Variants in NR3C1 observed in about 807,000 individuals in gnomAD.
The protein encoded by NR3C1 is nuclear receptor subfamily 3 group C member 1, also known as glucocorticoid receptor.
A neutral mutation model predicts 74.0 loss-of-function variants in NR3C1; 14 were observed. That is an observed-to-expected ratio of 0.19 (90% CI 0.12 to 0.30). The LOEUF is 0.30. Among genes scored for constraint, NR3C1 ranks in the 10% least tolerant of loss-of-function variants. NR3C1 has a pLI of 1.00. For synonymous variants in NR3C1, 308 were observed against 332.5 expected (o/e 0.93, Z 0.80); for missense variants, 695 against 909.8 (o/e 0.76, Z 3.04).
chr5:143,408,425 T>C (rs1841186861), upstream of NR3C1, among the ~76,000 whole-genome samples: 1 of 152,200 alleles, frequency 6.6e-6, no homozygotes, highest in Non-Finnish European at 1.5e-5. Context: ...TCTGTAGAAT[T>C]ACTATTTTCC....
At chr5:143,348,154 C>G (rs891457747) in intron 2 of NR3C1, among the ~76,000 whole-genome samples, 3 of 152,188 alleles carry the variant, frequency 2.0e-5, no homozygotes, top group Non-Finnish European at 4.4e-5. Flanking sequence ...TTTTGTCTCA[C>G]AGCATCAGCT....
chr5:143,326,961 C>T (rs978652620), intron 2 of NR3C1, among the ~76,000 whole-genome samples: 1 of 152,170 alleles, frequency 6.6e-6, no homozygotes, highest in African/African-American at 2.4e-5. Flanking sequence ...CACTGAAGTA[C>T]CACAATGTAT....
chr5:143,401,222 T>A, intron 1 of NR3C1: 1 of 245,808 alleles, frequency 4.1e-6, no homozygotes, highest in Admixed American at 5.0e-5. Flanking sequence ...AGTATTTAAT[T>A]TCAAAAAAAG....
intron 6 of NR3C1, among the ~76,000 whole-genome samples, chr5:143,295,796 ATAATC>A (rs1428230188): frequency 6.6e-6 from 1 of 152,224 alleles, no homozygotes; most frequent in Non-Finnish European, 1.5e-5. Context: ...AGACTAATGA[ATAATC>A]TAATGTAACA....
At chr5:143,408,530 G>C (rs906222188), upstream of NR3C1, among the ~76,000 whole-genome samples, 1 of 147,534 alleles carries the variant, frequency 6.8e-6, no homozygotes, top group East Asian at 2.1e-4. Flanking sequence ...TTTAGATTTT[G>C]GATTTTTTTT....
At chr5:143,371,553 A>G (rs574341087) in intron 2 of NR3C1, among the ~76,000 whole-genome samples, 2 of 152,332 alleles carry the variant, frequency 1.3e-5, no homozygotes, top group East Asian at 3.9e-4. Flanking sequence ...AGCCATGGTG[A>G]TCAGGAGGCA....
upstream of NR3C1, chr5:143,406,859 T>A (rs138103234): frequency 1.3e-5 from 2 of 152,326 alleles, no homozygotes; most frequent in Admixed American, 1.3e-4. Flanking sequence ...ATTGAAGAGA[T>A]GAACTCCAGT....
At chr5:143,370,036 T>C (rs916997435) in intron 2 of NR3C1, among the ~76,000 whole-genome samples, 2 of 152,208 alleles carry the variant, frequency 1.3e-5, no homozygotes, top group Non-Finnish European at 2.9e-5. Flanking sequence ...TAAGAATTCA[T>C]AGAAGAGCAG....
At chr5:143,404,897 C>A (rs1238792599), upstream of NR3C1, among the ~76,000 whole-genome samples, 4 of 152,148 alleles carry the variant, frequency 2.6e-5, no homozygotes, top group Admixed American at 6.5e-5. Context: ...CACCCTATCA[C>A]GTTCATAGGA....
intron 2 of NR3C1, among the ~76,000 whole-genome samples, chr5:143,354,718 T>A (rs1171075746): frequency 2.0e-5 from 3 of 150,800 alleles, no homozygotes; most frequent in Non-Finnish European, 4.4e-5. Flanking sequence ...AGGTCAGGAG[T>A]TCGAGACCAG....
At chr5:143,417,296 T>C (rs897840582) in intron 1 of NR3C1, among the ~76,000 whole-genome samples, 1 of 152,164 alleles carries the variant, frequency 6.6e-6, no homozygotes, top group Non-Finnish European at 1.5e-5. Context: ...TCCACAATGC[T>C]TATATAAAAC....
chr5:143,340,505 C>T (rs1394330674), intron 2 of NR3C1, among the ~76,000 whole-genome samples: 9 of 104,056 alleles, frequency 8.6e-5, no homozygotes, highest in African/African-American at 3.5e-4. Flanking sequence ...TTTTTTGAGA[C>T]AGAGTCTCGC....
intron 1 of NR3C1, among the ~76,000 whole-genome samples, chr5:143,411,681 A>AT (rs1841299194): frequency 1.3e-5 from 2 of 152,174 alleles, no homozygotes; most frequent in African/African-American, 2.4e-5. Context: ...AGAGTGTTAT[A>AT]TTTTTTCTTG....
chr5:143,333,210 A>G, intron 2 of NR3C1: 2 of 1,522,180 alleles, frequency 1.3e-6, no homozygotes, highest in Non-Finnish European at 1.8e-6. Context: ...GGGTGAACGC[A>G]TCAATCAGCT....
At chr5:143,350,578 A>C (rs1190907589) in intron 2 of NR3C1, among the ~76,000 whole-genome samples, 1 of 152,176 alleles carries the variant, frequency 6.6e-6, no homozygotes, top group African/African-American at 2.4e-5. Context: ...CCAAGAAAAG[A>C]TACCCAGTTA....
At chr5:143,321,946 C>T (rs1159130100) in intron 2 of NR3C1, among the ~76,000 whole-genome samples, 1 of 152,138 alleles carries the variant, frequency 6.6e-6, no homozygotes, top group East Asian at 1.9e-4. Context: ...CTCTCCATAT[C>T]GCCAGCATCT....
chr5:143,297,136 C>A (rs1368031047), intron 6 of NR3C1, among the ~76,000 whole-genome samples: 1 of 148,806 alleles, frequency 6.7e-6, no homozygotes, highest in Non-Finnish European at 1.5e-5. Context: ...TTTTAGGCAG[C>A]AGCATGAGAA....
chr5:143,352,133 CACAT>C (rs1297707102), intron 2 of NR3C1, among the ~76,000 whole-genome samples: 1 of 152,164 alleles, frequency 6.6e-6, no homozygotes, highest in African/African-American at 2.4e-5. Flanking sequence ...CACAAACACA[CACAT>C]GCATGCACAC....
In NR3C1 at chr5:143,300,456, T is replaced by C. The variant is rs1818278430; in HGVS notation, c.1747+29A>G. 2 of 1,613,928 alleles carry C rather than the reference T, an allele frequency of 1.2e-6. No homozygotes were observed. The highest frequency in any genetic ancestry group is 1.7e-5 in the Admixed American group (1 of 60,004). On this transcript the variant is annotated intron_variant, in intron 5 of 8. Coordinates refer to ENST00000394464, the MANE Select transcript of NR3C1 (RefSeq NM_000176.3). This position sits in a 1 kb window ranked among gnomAD's most constrained non-coding sequence, Gnocchi z 5.2. ...GCTGAAGAAAACACAAAGGTTTATA[T>C]AGTTGCTCTTTTATGTTTTGCATCT...
Sources: allele counts gnomAD v4.1 joint callset (sites outside exome capture counted in the v4.1 genomes callset), GRCh38; gene constraint gnomAD v4.1.1; non-coding constraint Gnocchi (gnomAD v3.1); transcripts MANE v1.5; gene names NCBI Gene and HGNC (gene_info 2026-07-23, HGNC 2026-07-21).